The following RPL15 variants were observed in gnomAD, a reference collection of about 807,000 sequenced individuals.
RPL15 encodes ribosomal protein L15, also known as large ribosomal subunit protein eL15.
For missense variants in RPL15, 161 were observed against 271.8 expected (o/e 0.59, Z 2.87); for synonymous variants, 97 against 95.1 (o/e 1.02, Z -0.12).
intron 1 of RPL15, 38 bp from the exon 2 acceptor site, chr3:23,917,812 A>G (rs768345275): frequency 4.5e-6 from 7 of 1,561,920 alleles, no homozygotes; most frequent in Non-Finnish European, 4.3e-6. Context: ...TATTGTACTT[A>G]AAGCGGATGA....
downstream of RPL15, chr3:23,921,013 A>G (rs1227328153): frequency 6.5e-6 from 1 of 154,752 alleles, no homozygotes; most frequent in African/African-American, 2.4e-5. Context: ...TGCATGAATT[A>G]GGTTTTTATC....
downstream of RPL15, chr3:23,924,437 C>G (rs1004929440): frequency 6.6e-6 from 1 of 152,214 alleles, no homozygotes; most frequent in African/African-American, 2.4e-5. Flanking sequence ...TGAGACGAGT[C>G]TCTGTCACCC....
chr3:23,918,409 A>G (rs1559511423), intron 2 of RPL15, 31 bp from the exon 3 acceptor site: 1 of 1,605,910 alleles, frequency 6.2e-7, no homozygotes. Context: ...CTTCCTATAA[A>G]ATCACTAATT....
Position 23,920,022 on chromosome 3 carries a change from G to C in RPL15, c.*521G>C, listed in dbSNP as rs1704983796. Reference sequence around the variant, plus strand: ...ATAAAAGGTGAAAGCTCCTGGTTCAGTGCCATGGCTTCATGGCATTCAGTG... The same window carrying C: ...ATAAAAGGTGAAAGCTCCTGGTTCACTGCCATGGCTTCATGGCATTCAGTG... On this transcript the variant is annotated 3_prime_UTR_variant, in exon 4 of 4. Transcript: ENST00000307839. 2.0e-6 allele frequency: 2 copies of C among 986,310 alleles called. No individual in the cohort carries two copies. The highest frequency in any genetic ancestry group is 2.4e-6 in the Non-Finnish European group (2 of 830,358). 61.1% of individuals were successfully genotyped at this position (986,310 alleles called of 1,614,324 possible). A position where few individuals can be genotyped will look rare whatever the true frequency, so the allele number is the denominator to read the frequency against.
At chr3:23,919,018 G>A in intron 3 of RPL15, 178 bp from the exon 4 acceptor site, 1 of 608,372 alleles carries the variant, frequency 1.6e-6, no homozygotes, top group Non-Finnish European at 2.9e-6. Flanking sequence ...TGTTGTTTTA[G>A]CAAGTCTACA....
chr3:23,918,176 G>A, intron 2 of RPL15, 145 bp downstream of exon 2: 1 of 1,069,202 alleles, frequency 9.4e-7, no homozygotes, highest in Non-Finnish European at 1.3e-6. Flanking sequence ...GTCAGTTACT[G>A]TATGCACTGT....
downstream of RPL15, chr3:23,921,860 C>A: frequency 2.0e-6 from 1 of 493,710 alleles, no homozygotes; most frequent in Admixed American, 3.8e-5. Context: ...CAGGCGTGAG[C>A]CACCACCCCC....
chr3:23,921,570 G>GTTT (rs71622703), downstream of RPL15: 4,002 of 502,364 alleles, frequency 8.0e-3, 2 homozygotes, highest in South Asian at 0.015. Context: ...TGATTATTGA[G>GTTT]TTTTTTTTTT....
At position 23,917,834 on chromosome 3, in the gene RPL15, C is replaced by T. The variant is rs1171257595; in HGVS notation, c.-10-16C>T. The T allele has an allele frequency of 1.9e-6, 3 of 1,602,422 alleles. No individual in the cohort carries two copies. Among genetic ancestry groups the T allele is most frequent in the East Asian group, 2.2e-5 (1 of 44,772 alleles). On this transcript the variant is annotated splice_polypyrimidine_tract_variant and intron_variant, in intron 1 of 3. Coordinates refer to ENST00000307839, the MANE Select transcript of RPL15 (RefSeq NM_002948.5). The stretch of plus-strand genomic sequence containing the variant: ...CTTAAAGCGGATGATATTTAATACA[C>T]AGTTTGATTTCACAGGTAAGCCAAG...
downstream of RPL15, among the ~76,000 whole-genome samples, chr3:23,924,529 C>G (rs1705176591): frequency 6.6e-6 from 1 of 152,142 alleles, no homozygotes; most frequent in Admixed American, 6.6e-5. Flanking sequence ...CTCAGCCTCC[C>G]AAGTAGCTGG....
chr3:23,921,667 C>T (rs372796476), downstream of RPL15: 25 of 679,618 alleles, frequency 3.7e-5, no homozygotes, highest in Admixed American at 2.7e-4. Context: ...CTCTGTCTCC[C>T]GGGTTTGAGC....
chr3:23,918,242 G>C, intron 2 of RPL15, 198 bp from the exon 3 acceptor site: 1 of 911,420 alleles, frequency 1.1e-6, no homozygotes, highest in Non-Finnish European at 1.6e-6. Context: ...TCAGACTAAA[G>C]CAAAATAAAC....
Position 23,919,458 on chromosome 3 carries a change from C to G in RPL15, c.572C>G (p.Ala191Gly), listed in dbSNP as rs1704946812. Residue 191 changes from alanine (A) to glycine (G), a missense_variant, in exon 4 of 4, where the codon GCT (alanine) becomes GGT (glycine). Coordinates refer to ENST00000307839, the MANE Select transcript of RPL15 (RefSeq NM_002948.5). Reference protein sequence around the residue: ...HHTIGGSRRAAWRRRNTLQLH... With the variant: ...HHTIGGSRRAGWRRRNTLQLH... ...ACTATTGGTGGCTCTCGCCGGGCAG[C>G]TTGGAGAAGGCGCAATACTCTCCAG... 1.9e-6 allele frequency: 3 copies of G among 1,602,892 alleles called. No homozygotes were observed. Among genetic ancestry groups the G allele is most frequent in the African/African-American group, 2.7e-5 (2 of 74,848 alleles).
At chr3:23,917,051 G>A (rs1294210144), upstream of RPL15, 1 of 152,614 alleles carries the variant, frequency 6.6e-6, no homozygotes, top group Non-Finnish European at 1.5e-5. Flanking sequence ...GGAACTACAT[G>A]TCCCATGACG....
upstream of RPL15, chr3:23,916,583 G>A (rs1233078375): frequency 1.3e-5 from 2 of 152,306 alleles, no homozygotes; most frequent in African/African-American, 2.4e-5. Flanking sequence ...AAGGGACACA[G>A]CGAGCGCCCC....
downstream of RPL15, chr3:23,922,970 A>C (rs1705137698): frequency 6.6e-6 from 1 of 151,240 alleles, no homozygotes; most frequent in Non-Finnish European, 1.5e-5. The surrounding 1 kb of genome is among the most constrained non-coding windows in gnomAD (Gnocchi z 4.2). Flanking sequence ...TGCCAGGCTA[A>C]TTTTTGTATT....
downstream of RPL15, chr3:23,923,720 A>G (rs1480728541): frequency 2.0e-5 from 3 of 152,238 alleles, no homozygotes; most frequent in African/African-American, 7.2e-5. Flanking sequence ...AATTGTATGT[A>G]TATAATTTTT....
chr3:23,917,694 T>A, intron 1 of RPL15, 156 bp from the exon 2 acceptor site: 1 of 684,454 alleles, frequency 1.5e-6, no homozygotes. Context: ...GTGGGCGCAG[T>A]GGTGGGGGTT....
At chr3:23,921,570 GTTTTTTTT>G (rs71622703), downstream of RPL15, 7 of 508,938 alleles carry the variant, frequency 1.4e-5, no homozygotes, top group African/African-American at 4.8e-5. Context: ...TGATTATTGA[GTTTTTTTT>G]TTTTTTTTTT....
Sources: gnomAD v4.1 joint callset for allele counts (sites outside exome capture counted in the v4.1 genomes callset) on GRCh38, gnomAD v4.1.1 for gene constraint, Gnocchi (gnomAD v3.1) non-coding constraint, MANE v1.5 for transcripts, NCBI Gene and HGNC (gene_info 2026-07-23, HGNC 2026-07-21) for gene names.